The following SRBD1 variants were observed in gnomAD, a reference collection of about 807,000 sequenced individuals.
SRBD1 encodes the protein S1 RNA binding domain 1.
Under a neutral mutation model 115.3 loss-of-function variants are expected in SRBD1, and 88 were observed. That is an observed-to-expected ratio of 0.76 (90% CI 0.64 to 0.91). SRBD1 has a LOEUF of 0.91. Ranked by LOEUF, SRBD1 falls within the 40% of genes least tolerant of loss-of-function variation. The pLI, the probability that SRBD1 is intolerant of heterozygous loss-of-function variation, is 0.00. For synonymous variants in SRBD1, 509 were observed against 407.7 expected (o/e 1.25, Z -2.99); for missense variants, 1,385 against 1,177.4 (o/e 1.18, Z -2.58).
intron 14 of SRBD1, among the ~76,000 whole-genome samples, chr2:45,534,101 T>C (rs1183818825): frequency 6.6e-6 from 1 of 151,938 alleles, no homozygotes; most frequent in Non-Finnish European, 1.5e-5. Flanking sequence ...TGGTAAAACA[T>C]TTTATTTTGA....
intron 16 of SRBD1, among the ~76,000 whole-genome samples, chr2:45,462,313 T>C (rs545109050): frequency 6.6e-6 from 1 of 152,340 alleles, no homozygotes; most frequent in Admixed American, 6.5e-5. Flanking sequence ...ATGGCTGTTA[T>C]GACATAATCA....
chr2:45,472,123 C>T (rs189151964), intron 16 of SRBD1, among the ~76,000 whole-genome samples: 1 of 152,032 alleles, frequency 6.6e-6, no homozygotes, highest in East Asian at 1.9e-4. Flanking sequence ...ACACCCACAC[C>T]CACACATACA....
chr2:45,569,622 T>C (rs1455758856), intron 9 of SRBD1: 1 of 152,212 alleles, frequency 6.6e-6, no homozygotes, highest in Non-Finnish European at 1.5e-5. Flanking sequence ...AATTATTTAT[T>C]GAGAAATTCC....
intron 10 of SRBD1, among the ~76,000 whole-genome samples, chr2:45,554,545 C>T (rs573906028): frequency 1.6e-4 from 24 of 152,284 alleles, no homozygotes; most frequent in African/African-American, 5.5e-4. Context: ...CAATGCTCTA[C>T]CAGGCAACAT....
chr2:45,503,125 T>C (rs908424427), intron 14 of SRBD1, among the ~76,000 whole-genome samples: 3 of 152,186 alleles, frequency 2.0e-5, no homozygotes, highest in Admixed American at 1.3e-4. Flanking sequence ...GCACAATACA[T>C]AAATGTCTTT....
At chr2:45,420,126 C>T (rs930727328) in intron 16 of SRBD1, among the ~76,000 whole-genome samples, 1 of 152,120 alleles carries the variant, frequency 6.6e-6, no homozygotes, top group Non-Finnish European at 1.5e-5. Flanking sequence ...AGTATTTTTC[C>T]CTTGCCTGAA....
In SRBD1 at chr2:45,415,000, T is replaced by C. The variant is rs542833530; in HGVS notation, c.2334-1707A>G. ...ATAGTATGTATATACACACATATAG[T>C]GTGTATATAGTATGTATATACACAC... On this transcript the variant is annotated intron_variant, in intron 18 of 20. Coordinates refer to ENST00000263736, the MANE Select transcript of SRBD1 (RefSeq NM_018079.5). Among the ~76,000 whole-genome samples the C allele has an allele frequency of 2.2e-4, 25 of 113,068 alleles. 4 individuals are homozygous for C. The South Asian group carries it at 3.0e-3, about 14-fold the overall frequency. 74.2% of individuals were successfully genotyped at this position (113,068 alleles called of 152,430 possible).
At chr2:45,437,698 A>G (rs1668541584) in intron 16 of SRBD1, among the ~76,000 whole-genome samples, 1 of 152,230 alleles carries the variant, frequency 6.6e-6, no homozygotes, top group African/African-American at 2.4e-5. Flanking sequence ...ACTGCACTAC[A>G]ATCTGGGCGA....
intron 16 of SRBD1, among the ~76,000 whole-genome samples, chr2:45,448,618 A>G (rs1256069272): frequency 2.0e-5 from 3 of 152,198 alleles, no homozygotes; most frequent in Non-Finnish European, 4.4e-5. Flanking sequence ...TCAAATTTAC[A>G]TTATTTAAAA....
chr2:45,429,859 T>C (rs1210545536), intron 16 of SRBD1, among the ~76,000 whole-genome samples: 1 of 152,204 alleles, frequency 6.6e-6, no homozygotes, highest in Non-Finnish European at 1.5e-5. Context: ...TTGTCTCTGT[T>C]TGCAGATGAC....
intron 14 of SRBD1, among the ~76,000 whole-genome samples, chr2:45,537,400 C>T (rs1016528543): frequency 6.6e-6 from 1 of 152,108 alleles, no homozygotes; most frequent in Admixed American, 6.5e-5. Flanking sequence ...CTGTCTTCTC[C>T]ATTGGAATGC....
At chr2:45,390,768 T>C (rs1170955043) in intron 20 of SRBD1, among the ~76,000 whole-genome samples, 1 of 152,210 alleles carries the variant, frequency 6.6e-6, no homozygotes, top group Non-Finnish European at 1.5e-5. Context: ...AGTCCAACCA[T>C]ACTGATACCA....
At chr2:45,436,039 T>C (rs950765490) in intron 16 of SRBD1, among the ~76,000 whole-genome samples, 2 of 151,902 alleles carry the variant, frequency 1.3e-5, no homozygotes, top group East Asian at 3.9e-4. Flanking sequence ...TAACAATCTA[T>C]AAGAAGAATT....
At position 45,418,448 on chromosome 2, in the gene SRBD1, T is replaced by C; in HGVS notation, c.2250A>G (p.Lys750=). 1 of 1,614,064 alleles carries C rather than the reference T, an allele frequency of 6.2e-7. No individual in the cohort carries two copies. Among genetic ancestry groups the C allele is most frequent in the South Asian group, 1.1e-5 (1 of 91,062 alleles). ...AGGATTTTGGGCCCAGCCCTTTCAC[T>C]TTCTTCAGCTGTTCTCGGTTGATAA... ...GPFINREQLK[K]VKGLGPKSFQ... is the part of the protein sequence containing the mutation. Residue 750 remains lysine, a synonymous_variant, in exon 18 of 21, where the codon AAA becomes AAG. Transcript: ENST00000263736.
intron 18 of SRBD1, among the ~76,000 whole-genome samples, chr2:45,416,334 G>C (rs1667831691): frequency 6.6e-6 from 1 of 152,028 alleles, no homozygotes; most frequent in Non-Finnish European, 1.5e-5. Context: ...AACATTAAAT[G>C]TGGTAGCAAT....
chr2:45,445,499 C>G (rs1440247151), intron 16 of SRBD1, among the ~76,000 whole-genome samples: 2 of 124,902 alleles, frequency 1.6e-5, no homozygotes, highest in African/African-American at 6.2e-5. Context: ...CACAATGAGG[C>G]AAGTTTCTCT....
chr2:45,521,792 C>T (rs936447029), intron 14 of SRBD1, among the ~76,000 whole-genome samples: 1 of 151,948 alleles, frequency 6.6e-6, no homozygotes, highest in Non-Finnish European at 1.5e-5. Context: ...CATGGTGAAA[C>T]CCTGTCTCCA....
intron 4 of SRBD1, among the ~76,000 whole-genome samples, chr2:45,587,338 T>C (rs1388210827): frequency 6.7e-6 from 1 of 150,282 alleles, no homozygotes; most frequent in Non-Finnish European, 1.5e-5. Flanking sequence ...AATATTTAAT[T>C]ATTTTTAAGT....
chr2:45,410,752 A>G (rs528694810), intron 19 of SRBD1, among the ~76,000 whole-genome samples: 1 of 152,334 alleles, frequency 6.6e-6, no homozygotes, highest in East Asian at 1.9e-4. Flanking sequence ...CTAATGGCCA[A>G]TGATTCAATC....
Sources: gnomAD v4.1 joint callset for allele counts (sites outside exome capture counted in the v4.1 genomes callset) on GRCh38, gnomAD v4.1.1 for gene constraint, MANE v1.5 for transcripts, NCBI Gene and HGNC (gene_info 2026-07-23, HGNC 2026-07-21) for gene names.